EOGT: variants seen among roughly 807,000 people sequenced by gnomAD.
EOGT encodes EGF domain-specific O-linked N-acetylglucosamine transferase.
Under a neutral mutation model 70.5 loss-of-function variants are expected in EOGT, and 55 were observed. The observed-to-expected ratio is 0.78, with a 90% CI of 0.63 to 0.98. The LOEUF (loss-of-function observed/expected upper bound fraction) is 0.98, where lower values mean the gene tolerates loss of function less well. Among genes scored for constraint, EOGT ranks in the 50% least tolerant of loss-of-function variants. The pLI is 0.00. For missense variants in EOGT, 703 were observed against 641.9 expected (o/e 1.10, Z -1.03); for synonymous variants, 246 against 217.1 (o/e 1.13, Z -1.17).
intron 10 of EOGT, 149 bp from the exon 11 acceptor site, chr3:68,989,166 C>T: frequency 2.0e-6 from 1 of 512,316 alleles, no homozygotes; most frequent in Non-Finnish European, 3.4e-6. Flanking sequence ...AATGGATCTT[C>T]ATCTTGGGCC....
intron 13 of EOGT, 143 bp from the exon 14 acceptor site, chr3:68,987,656 C>T: frequency 1.5e-6 from 1 of 647,398 alleles, no homozygotes; most frequent in East Asian, 2.8e-5. Flanking sequence ...AGCTTGATTC[C>T]TTCACCACTC....
At chr3:68,997,897 C>A in intron 10 of EOGT, 114 bp downstream of exon 10, 1 of 656,688 alleles carries the variant, frequency 1.5e-6, no homozygotes. Flanking sequence ...GCATTATGTG[C>A]GGCTGTACAT....
At chr3:68,988,801 G>C (rs2090893607) in intron 11 of EOGT, 124 bp downstream of exon 11, 1 of 643,406 alleles carries the variant, frequency 1.6e-6, no homozygotes. Context: ...AATTATAAAA[G>C]AAATTCAGAA....
At position 69,004,447 on chromosome 3, in the gene EOGT, C is replaced by G. The variant is rs767466340; in HGVS notation, c.551G>C (p.Gly184Ala). The G allele has an allele frequency of 6.2e-7, 1 of 1,614,020 alleles. No homozygotes were observed. Among genetic ancestry groups the G allele is most frequent in the East Asian group, 2.2e-5 (1 of 44,874 alleles). ...ACGGATGTCAAGTTTACAGTGCCCT[C>G]CAATTTCACCACTCTGGAAAAAGTC... ...KEDFFQSGEI[G>A]GHCKLDIRTL... The change falls in exon 8 of 18, where the codon GGA becomes GCA. Residue 184 changes from glycine to alanine, a missense_variant. Gly to Ala is a moderately conservative substitution (Grantham distance 60). Transcript: ENST00000383701.
rs1239574197 is a variant in EOGT at position 69,005,227 on chromosome 3, G to C, written c.428C>G (p.Ser143Ter). Reference protein sequence around the residue: ...VLCQPKETSDSSLVCSRYLQY... With the variant: ...VLCQPKETSD The stretch of plus-strand genomic sequence containing the variant: ...AAGATAACGGGAACACACCAGACTT[G>C]AGTCACTCTGAAGGTTGAGCAAAAG... The change falls in exon 7 of 18, where the codon TCA becomes TGA. Residue 143 changes from serine to a stop codon, truncating the protein, a stop_gained. Transcript: ENST00000383701. LOFTEE classifies it high-confidence loss of function. The C allele has an allele frequency of 6.3e-7, 1 of 1,582,066 alleles. No individual in the cohort carries two copies. The highest frequency in any genetic ancestry group is 8.7e-7 in the Non-Finnish European group (1 of 1,153,894).
At chr3:69,008,777 C>G (rs1376917722) in intron 4 of EOGT, among the ~76,000 whole-genome samples, 1 of 152,184 alleles carries the variant, frequency 6.6e-6, no homozygotes, top group South Asian at 2.1e-4. Context: ...TTTACCTAGA[C>G]GCTCAAAGAC....
chr3:68,982,790 C>CCAACT, intron 15 of EOGT, 21 bp downstream of exon 15: 1 of 1,580,416 alleles, frequency 6.3e-7, no homozygotes, highest in South Asian at 1.2e-5. Context: ...ACAGTGTCTG[C>CCAACT]TGAGATTGGC....
rs777646820 is a variant in EOGT, at chr3:68,978,427, C to A, written c.1343G>T (p.Cys448Phe). The A allele has an allele frequency of 6.2e-7, 1 of 1,605,730 alleles. No individual in the cohort carries two copies. The highest frequency in any genetic ancestry group is 1.3e-5 in the African/African-American group (1 of 74,396). Reference protein sequence around the residue: ...DWAAVFELYNCEDERCYLDLA... With the variant: ...DWAAVFELYNFEDERCYLDLA... ...GTCTAAGTAACAGCGTTCATCTTCA[C>A]AGTTGTACCTAAGGACACAAGGGTG... The change falls in exon 17 of 18, where the codon TGT (cysteine) becomes TTT (phenylalanine). Residue 448 changes from cysteine (C) to phenylalanine (F), a missense_variant. Transcript: ENST00000383701.
intron 9 of EOGT, among the ~76,000 whole-genome samples, chr3:69,001,064 C>G (rs2091281506): frequency 6.6e-6 from 1 of 151,766 alleles, no homozygotes; most frequent in Non-Finnish European, 1.5e-5. Context: ...TCAAGCGATT[C>G]CCCCGCTTCA....
chr3:68,984,607 A>C (rs2090751776), intron 14 of EOGT, among the ~76,000 whole-genome samples: 2 of 152,142 alleles, frequency 1.3e-5, no homozygotes, highest in African/African-American at 4.8e-5. Flanking sequence ...TTCCCTTCCC[A>C]GGAGCTGCCT....
intron 6 of EOGT, 60 bp from the exon 7 acceptor site, chr3:69,005,294 GGACTTGCT>G: frequency 1.1e-6 from 1 of 917,148 alleles, no homozygotes; most frequent in Non-Finnish European, 1.7e-6. Context: ...AGACTCATCC[GGACTTGCT>G]AGACACACTG....
In EOGT at chr3:69,009,728, A is replaced by T. The variant is rs776702229; in HGVS notation, c.119T>A (p.Ile40Asn). The T allele has an allele frequency of 6.2e-7, 1 of 1,614,118 alleles. No individual in the cohort carries two copies. Among genetic ancestry groups the T allele is most frequent in the Non-Finnish European group, 8.5e-7 (1 of 1,180,018 alleles). The change falls in exon 4 of 18, where the codon ATC becomes AAC. Residue 40 changes from isoleucine (I) to asparagine (N), a missense_variant. By Grantham distance (149) the Ile-to-Asn change is moderately radical (BLOSUM62 -3). Transcript: ENST00000383701. ...PGEPLYNYAS[I>N]RLPEEHIPFF... ...GGGAATGTGCTCCTCTGGCAAGCGG[A>T]TGCTGGCATAGTTATACAGAGGTTC...
intron 14 of EOGT, among the ~76,000 whole-genome samples, chr3:68,985,318 T>C (rs1024424027): frequency 1.3e-5 from 2 of 152,166 alleles, no homozygotes; most frequent in African/African-American, 4.8e-5. Context: ...TAACACCTCA[T>C]TATGCCATAT....
intron 5 of EOGT, 123 bp downstream of exon 5, chr3:69,008,305 G>T: frequency 1.4e-6 from 1 of 715,804 alleles, no homozygotes; most frequent in Non-Finnish European, 2.5e-6. Flanking sequence ...GACTGTGCAA[G>T]CAAATTAATA....
At chr3:68,998,920 CATTTTGGTA>C in intron 9 of EOGT, among the ~76,000 whole-genome samples, 1 of 149,946 alleles carries the variant, frequency 6.7e-6, no homozygotes, top group African/African-American at 2.5e-5. Context: ...TGGCAACTAA[CATTTTGGTA>C]ATTTTCATTC....
At chr3:68,980,670 T>A (rs1186241346) in intron 15 of EOGT, among the ~76,000 whole-genome samples, 1 of 152,184 alleles carries the variant, frequency 6.6e-6, no homozygotes, top group Non-Finnish European at 1.5e-5. Flanking sequence ...AAACTCCGCA[T>A]AGGAAAAAGA....
rs1457648476 is a variant in EOGT at position 68,988,950 on chromosome 3, T to C, written c.899A>G (p.His300Arg). The C allele has an allele frequency of 3.9e-6, 6 of 1,528,728 alleles. No individual in the cohort carries two copies. Among genetic ancestry groups the C allele is most frequent in the Non-Finnish European group, 5.2e-6 (6 of 1,142,990 alleles). 94.7% of individuals were successfully genotyped at this position (1,528,728 alleles called of 1,614,324 possible). ...CCTTTTGGAATCATAAGTTTTCAAA[T>C]GTATAACGTCATAATCAGTAAATGC... ...WNAFTDYDVI[H>R]LKTYDSKRVC... is the part of the protein sequence containing the mutation. The change falls in exon 11 of 18, where the codon CAT (histidine) becomes CGT (arginine). Residue 300 changes from histidine to arginine, a missense_variant. His to Arg is a conservative substitution (Grantham distance 29). Transcript: ENST00000383701.
chr3:68,992,714 C>T (rs2091029571), intron 10 of EOGT, among the ~76,000 whole-genome samples: 1 of 152,260 alleles, frequency 6.6e-6, no homozygotes, highest in Admixed American at 6.5e-5. Context: ...CCCTTCCACA[C>T]TGCCTTAGCA....
Position 68,988,396 on chromosome 3 carries a change from C to T in EOGT, c.997-15G>A. ...CAGCCAGATATCTAAAATAAAAACA[C>T]TGGTTCATATTACAATGAATACTTC... On this transcript the variant is annotated splice_polypyrimidine_tract_variant and intron_variant, in intron 12 of 17. Transcript: ENST00000383701. 4.6e-6 allele frequency: 7 copies of T among 1,526,656 alleles called. No individual in the cohort carries two copies. Among genetic ancestry groups the T allele is most frequent in the Non-Finnish European group, 5.3e-6 (6 of 1,138,570 alleles). 94.6% of individuals were successfully genotyped at this position (1,526,656 alleles called of 1,614,324 possible).
Sources: allele counts gnomAD v4.1 joint callset (sites outside exome capture counted in the v4.1 genomes callset), GRCh38; gene constraint gnomAD v4.1.1; transcripts MANE v1.5; gene names NCBI Gene and HGNC (gene_info 2026-07-23, HGNC 2026-07-21).